CCSER1: variants seen among roughly 807,000 people sequenced by gnomAD.
CCSER1 encodes the protein serine-rich coiled-coil domain-containing protein 1.
Under a neutral mutation model 82.0 loss-of-function variants are expected in CCSER1, and 41 were observed. The observed-to-expected ratio is 0.50, with a 90% confidence interval of 0.39 to 0.65. The LOEUF (loss-of-function observed/expected upper bound fraction) is 0.65, where lower values mean the gene tolerates loss of function less well. Ranked by LOEUF, CCSER1 falls within the 30% of genes least tolerant of loss-of-function variation. The pLI, the probability that CCSER1 is intolerant of heterozygous loss-of-function variation, is 0.00. For synonymous variants in CCSER1, 414 were observed against 383.9 expected (o/e 1.08, Z -0.92); for missense variants, 1,119 against 1,064.2 (o/e 1.05, Z -0.72).
At chr4:90,363,699 T>C (rs1458511580) in intron 3 of CCSER1, among the ~76,000 whole-genome samples, 2 of 152,144 alleles carry the variant, frequency 1.3e-5, no homozygotes, top group African/African-American at 4.8e-5. Flanking sequence ...ACTGTGACAT[T>C]ATTTTATTAA....
intron 5 of CCSER1, among the ~76,000 whole-genome samples, chr4:90,492,481 T>C (rs1432776047): frequency 1.3e-5 from 2 of 152,178 alleles, no homozygotes; most frequent in Non-Finnish European, 2.9e-5. Context: ...CCTGGATTCA[T>C]TGATTTTTTT....
chr4:90,386,512 A>G (rs1019856259), intron 3 of CCSER1, among the ~76,000 whole-genome samples: 1 of 152,170 alleles, frequency 6.6e-6, no homozygotes, highest in Non-Finnish European at 1.5e-5. Context: ...TGGATTAAAG[A>G]CAAATATATG....
At chr4:90,478,387 G>C (rs1765389101) in intron 5 of CCSER1, among the ~76,000 whole-genome samples, 1 of 152,108 alleles carries the variant, frequency 6.6e-6, no homozygotes, top group African/African-American at 2.4e-5. Context: ...TTGAAGGACA[G>C]ATGTTTCTAT....
At chr4:90,993,296 A>C (rs535029908) in intron 9 of CCSER1, among the ~76,000 whole-genome samples, 1 of 152,102 alleles carries the variant, frequency 6.6e-6, no homozygotes, top group South Asian at 2.1e-4. Flanking sequence ...TCCAGTGTGC[A>C]TGGGACACAA....
At chr4:90,144,108 C>A (rs1165857508) in intron 1 of CCSER1, among the ~76,000 whole-genome samples, 1 of 152,204 alleles carries the variant, frequency 6.6e-6, no homozygotes, top group Non-Finnish European at 1.5e-5. Flanking sequence ...TCACTTGTTA[C>A]TTGTCAGGTT....
chr4:90,464,003 G>T (rs1763305329), intron 4 of CCSER1, among the ~76,000 whole-genome samples: 1 of 152,036 alleles, frequency 6.6e-6, no homozygotes, highest in African/African-American at 2.4e-5. Context: ...TGGAGAAAAG[G>T]AGTAATTTAA....
At chr4:90,225,231 A>ATTT (rs57188209) in intron 1 of CCSER1, among the ~76,000 whole-genome samples, 752 of 111,624 alleles carry the variant, frequency 6.7e-3, no homozygotes, top group Non-Finnish European at 0.01. Context: ...TACCCGGCTA[A>ATTT]TTTTTTTTTT....
At chr4:91,253,030 G>A (rs1220014258) in intron 10 of CCSER1, among the ~76,000 whole-genome samples, 2 of 151,942 alleles carry the variant, frequency 1.3e-5, no homozygotes, top group Non-Finnish European at 2.9e-5. Context: ...AAAAAAAGAG[G>A]GTGATCGAGC....
rs191669500 is a variant in CCSER1, at chr4:90,218,530, A to G, written c.-41-89714A>G. 3.0e-4 allele frequency among the ~76,000 whole-genome samples: 45 copies of G among 152,332 alleles called. No homozygotes were observed. In the East Asian group the frequency reaches 6.8e-3, roughly 23 times the overall value. ...AAGTTGTAAAACTCAAATAAGAAAT[A>G]AAACATTAAACTTGCAGTGAGGCAG... On this transcript the variant is annotated intron_variant, in intron 1 of 10. Transcript: ENST00000509176.
chr4:91,179,534 C>T (rs537342896), intron 10 of CCSER1, among the ~76,000 whole-genome samples: 21 of 152,176 alleles, frequency 1.4e-4, no homozygotes, highest in Non-Finnish European at 2.4e-4. Context: ...CTTCTCCTCT[C>T]GCTTCATTTC....
rs186213565 is a variant in CCSER1 at position 91,268,072 on chromosome 4, C to T, written c.2217+182078C>T. Among the ~76,000 whole-genome samples, 81 of 152,238 alleles carry T rather than the reference C, an allele frequency of 5.3e-4. No individual in the cohort carries two copies. The East Asian group carries it at 0.011, about 20-fold the overall frequency. On this transcript the variant is annotated intron_variant, in intron 10 of 10. Transcript: ENST00000509176. ...CTATCTCAGAAAACATATGTGTTTT[C>T]GCATACCTCAATTAAATGTTTCTCA...
At chr4:91,534,429 A>C (rs1057106433) in intron 10 of CCSER1, among the ~76,000 whole-genome samples, 16 of 152,154 alleles carry the variant, frequency 1.1e-4, no homozygotes, top group African/African-American at 3.6e-4. Flanking sequence ...AAGTTCTATC[A>C]ATGAGAAACC....
chr4:90,769,822 A>G (rs914306032), intron 7 of CCSER1, among the ~76,000 whole-genome samples: 2 of 152,164 alleles, frequency 1.3e-5, no homozygotes, highest in Admixed American at 6.5e-5. Flanking sequence ...GGGTGAGTAT[A>G]TTTTACATGT....
At chr4:90,478,741 T>TTA (rs1214426793) in intron 5 of CCSER1, among the ~76,000 whole-genome samples, 2 of 150,416 alleles carry the variant, frequency 1.3e-5, no homozygotes, top group African/African-American at 4.9e-5. Flanking sequence ...CTTTTTTTTT[T>TTA]TTTTTTTTAT....
At chr4:90,330,763 A>T (rs1252267138) in intron 3 of CCSER1, among the ~76,000 whole-genome samples, 3 of 152,196 alleles carry the variant, frequency 2.0e-5, no homozygotes, top group Non-Finnish European at 2.9e-5. Context: ...CTTGAAGGGA[A>T]CTTACTATTA....
intron 7 of CCSER1, among the ~76,000 whole-genome samples, chr4:90,811,974 A>C (rs968055170): frequency 1.2e-5 from 1 of 83,496 alleles, no homozygotes; most frequent in African/African-American, 3.5e-5. Context: ...ATACACATAT[A>C]TATATATATA....
At chr4:90,450,207 G>C (rs1464131645) in intron 4 of CCSER1, among the ~76,000 whole-genome samples, 2 of 152,174 alleles carry the variant, frequency 1.3e-5, no homozygotes, top group African/African-American at 4.8e-5. Context: ...TGACCACTTG[G>C]AGCATGATGG....
At chr4:91,112,257 A>G (rs1337157215) in intron 10 of CCSER1, among the ~76,000 whole-genome samples, 2 of 152,016 alleles carry the variant, frequency 1.3e-5, no homozygotes, top group Non-Finnish European at 2.9e-5. Flanking sequence ...TTTCCTAAAG[A>G]TCTTTGTCTT....
At chr4:91,053,141 A>C (rs1028193784) in intron 9 of CCSER1, among the ~76,000 whole-genome samples, 3 of 152,186 alleles carry the variant, frequency 2.0e-5, no homozygotes, top group African/African-American at 7.2e-5. Context: ...ATGTCCTTGA[A>C]AAAACCATAA....
Sources: allele counts gnomAD v4.1 joint callset (sites outside exome capture counted in the v4.1 genomes callset), GRCh38; gene constraint gnomAD v4.1.1; transcripts MANE v1.5; gene names NCBI Gene and HGNC (gene_info 2026-07-23, HGNC 2026-07-21).